Variants in TTC3 observed in about 807,000 individuals in gnomAD.
TTC3 encodes tetratricopeptide repeat domain 3, also known as E3 ubiquitin-protein ligase TTC3.
Under a neutral mutation model 249.6 loss-of-function variants are expected in TTC3, and 180 were observed. That is an observed-to-expected ratio of 0.72 (90% CI 0.64 to 0.82). The LOEUF (loss-of-function observed/expected upper bound fraction) is 0.82, where lower values mean the gene tolerates loss of function less well. Ranked by LOEUF, TTC3 falls within the 40% of genes least tolerant of loss-of-function variation. The probability of loss-of-function intolerance (pLI) is 0.00; values close to 1 mark genes in which losing one functional copy is unlikely to be tolerated. For missense variants in TTC3, 2,061 were observed against 2,398.4 expected (o/e 0.86, Z 2.94); for synonymous variants, 717 against 805.0 (o/e 0.89, Z 1.85).
chr21:37,158,584 GC>G (rs2080349975), intron 28 of TTC3, among the ~76,000 whole-genome samples: 2 of 152,158 alleles, frequency 1.3e-5, no homozygotes, highest in African/African-American at 4.8e-5. Context: ...ATAATTGAGA[GC>G]CCCGACTTTT....
intron 11 of TTC3, among the ~76,000 whole-genome samples, chr21:37,119,216 A>AT (rs1023653232): frequency 3.9e-5 from 6 of 151,924 alleles, no homozygotes; most frequent in South Asian, 2.1e-4. Flanking sequence ...AGGTTTTAAG[A>AT]TTTTTTTTAG....
At chr21:37,137,911 C>A (rs75268825) in intron 18 of TTC3, among the ~76,000 whole-genome samples, 3,086 of 152,268 alleles carry the variant, frequency 0.02, 56 homozygotes, top group Middle Eastern at 0.044. Context: ...AAGATTATGA[C>A]TCACTAGAAA....
chr21:37,074,055 G>C lies in TTC3; in HGVS notation c.-12+691G>C, dbSNP rs577446644. Among the ~76,000 whole-genome samples, 7 of 152,184 alleles carry C rather than the reference G, an allele frequency of 4.6e-5. No individual in the cohort carries two copies. The South Asian group carries it at 1.4e-3, about 32-fold the overall frequency. On this transcript the variant is annotated intron_variant, in intron 1 of 45. Transcript: ENST00000355666. The stretch of plus-strand genomic sequence containing the variant: ...GCAGGTTTCGTTGGTGAGCGTGAAC[G>C]TTCGTGCACACCCCTTGCTGTGTGT...
At chr21:37,115,039 G>GGGA (rs1036055764) in intron 11 of TTC3, among the ~76,000 whole-genome samples, 1 of 151,950 alleles carries the variant, frequency 6.6e-6, no homozygotes, top group African/African-American at 2.4e-5. Flanking sequence ...TTGTGAGGTG[G>GGGA]GAGGGGAGAG....
At chr21:37,144,502 CT>C (rs756799760) in intron 20 of TTC3, 22 bp from the exon 21 acceptor site, 2 of 1,599,972 alleles carry the variant, frequency 1.3e-6, no homozygotes, top group South Asian at 2.3e-5. Flanking sequence ...TCTTTAATGC[CT>C]TTTTCATAAT....
exon 15 of TTC3, chr21:37,126,109 T>G: frequency 6.2e-7 from 1 of 1,612,110 alleles, no homozygotes. Context: ...AGGTAGATGA[T>G]TGTGACTGTC....
Position 37,148,572 on chromosome 21 carries a change from G to C in TTC3, c.2043G>C (p.Gln681His), listed in dbSNP as rs1305456430. 38 of 1,598,132 alleles carry C rather than the reference G, an allele frequency of 2.4e-5. No individual in the cohort carries two copies. The highest frequency in any genetic ancestry group is 3.1e-5 in the Non-Finnish European group (37 of 1,175,038). Residue 681 changes from glutamine (Q) to histidine (H), a missense_variant, in exon 23 of 46, where the codon CAG becomes CAC. Gln to His is a conservative substitution (Grantham distance 24). This residue lies in a region of TTC3 where 989 missense variants were observed against 1,145.1 expected (regional missense o/e 0.86). Coordinates refer to ENST00000355666, the Ensembl canonical transcript of TTC3. ...GTTTTATACGCATCAGCTGTTGCCA[G>C]TACTGTAAAATAGAATTTCACATGA...
At chr21:37,112,138 G>C (rs2075726006) in intron 11 of TTC3, among the ~76,000 whole-genome samples, 1 of 152,130 alleles carries the variant, frequency 6.6e-6, no homozygotes. Context: ...AAAAGAACTA[G>C]AGAAGCAAGA....
intron 27 of TTC3, 122 bp from the exon 28 acceptor site, chr21:37,156,533 A>G (rs2080104303): frequency 8.1e-7 from 1 of 1,235,080 alleles, no homozygotes; most frequent in African/African-American, 1.5e-5. Context: ...CAACTATTTA[A>G]ATGTTTTTGC....
At chr21:37,130,826 A>G (rs2835618) in intron 16 of TTC3, among the ~76,000 whole-genome samples, 87,795 of 151,880 alleles carry the variant, frequency 0.58, 26,065 homozygotes, top group African/African-American at 0.7. Flanking sequence ...TAGATCAGAC[A>G]GTACTTCAAA....
chr21:37,197,946 C>T, exon 44 of TTC3: 1 of 1,614,082 alleles, frequency 6.2e-7, no homozygotes, highest in South Asian at 1.1e-5. Flanking sequence ...ACCAGGTCCT[C>T]CCAGGGCTCA....
intron 44 of TTC3, 76 bp from the exon 45 acceptor site, chr21:37,200,156 C>T (rs2085346272): frequency 1.2e-5 from 17 of 1,373,230 alleles, no homozygotes; most frequent in Non-Finnish European, 1.7e-5. Context: ...TGTTTGAAGG[C>T]CACTTGAAGG....
intron 7 of TTC3, 90 bp from the exon 8 acceptor site, chr21:37,093,915 C>T (rs908633103): frequency 1.3e-5 from 10 of 797,776 alleles, no homozygotes; most frequent in East Asian, 2.6e-5. Context: ...TGTGGACTCA[C>T]CTAACTCAAG....
intron 1 of TTC3, 153 bp from the exon 2 acceptor site, chr21:37,087,094 C>A: frequency 1.3e-6 from 1 of 766,008 alleles, no homozygotes; most frequent in Non-Finnish European, 2.1e-6. Context: ...AGAATGGGGA[C>A]GAGAATCTTT....
chr21:37,079,318 A>G (rs2146871325), intron 1 of TTC3, among the ~76,000 whole-genome samples: 1 of 151,984 alleles, frequency 6.6e-6, no homozygotes, highest in South Asian at 2.1e-4. Context: ...GTTCCCTGGG[A>G]GAGTTTGGAT....
rs537496206 is a variant in TTC3, at chr21:37,134,849, A to G, written c.1444-531A>G. On this transcript the variant is annotated intron_variant, in intron 17 of 45. Coordinates refer to ENST00000355666, the Ensembl canonical transcript of TTC3. ...TTAACCTATTGTTATCTCTCCCAGTAATTTTATCTACTTATATTCAAATAT... is the reference window on the plus strand; with the variant it reads ...TTAACCTATTGTTATCTCTCCCAGTGATTTTATCTACTTATATTCAAATAT... Among the ~76,000 whole-genome samples, 223 of 152,280 alleles carry G rather than the reference A, an allele frequency of 1.5e-3. 2 individuals are homozygous for G. Among genetic ancestry groups the G allele is most frequent in the African/African-American group, 4.9e-3 (204 of 41,558 alleles).
chr21:37,144,156 T>C (rs143905149), intron 20 of TTC3, among the ~76,000 whole-genome samples: 3,256 of 151,900 alleles, frequency 0.021, 48 homozygotes, highest in Non-Finnish European at 0.034. Flanking sequence ...GACCAGTTAA[T>C]GGGTGCAGCA....
chr21:37,153,326 G>A (rs1402528860), intron 27 of TTC3, 49 bp downstream of exon 27: 2 of 1,491,680 alleles, frequency 1.3e-6, no homozygotes, highest in African/African-American at 1.4e-5. Context: ...CGAAGGGGAA[G>A]TGTAGGTCTC....
At chr21:37,129,726 A>G (rs2077322523) in intron 16 of TTC3, among the ~76,000 whole-genome samples, 2 of 151,858 alleles carry the variant, frequency 1.3e-5, no homozygotes, top group African/African-American at 2.4e-5. Context: ...GAACTCCTAG[A>G]CTCTAGTGAT....
Sources: gnomAD v4.1 joint callset for allele counts (sites outside exome capture counted in the v4.1 genomes callset) on GRCh38, gnomAD v4.1.1 for gene constraint, gnomAD v4.1.1 regional missense constraint, MANE v1.5 for transcripts, NCBI Gene and HGNC (gene_info 2026-07-23, HGNC 2026-07-21) for gene names.